The following PRKG1 variants were observed in gnomAD, a reference collection of about 807,000 sequenced individuals.
PRKG1 encodes the protein protein kinase cGMP-dependent 1.
Under a neutral mutation model 88.1 loss-of-function variants are expected in PRKG1, and 35 were observed. The ratio of observed to expected loss-of-function variants is 0.40; its 90% CI spans 0.30 to 0.53. The LOEUF (loss-of-function observed/expected upper bound fraction) is 0.53, where lower values mean the gene tolerates loss of function less well. PRKG1 is among the 20% of genes least tolerant of loss of function. The pLI is 0.59. For synonymous variants in PRKG1, 303 were observed against 292.5 expected (o/e 1.04, Z -0.37); for missense variants, 540 against 839.8 (o/e 0.64, Z 4.41).
At chr10:52,229,835 G>C (rs1840480582) in intron 9 of PRKG1, among the ~76,000 whole-genome samples, 1 of 152,158 alleles carries the variant, frequency 6.6e-6, no homozygotes, top group Admixed American at 6.5e-5. Flanking sequence ...CAGTAGAATT[G>C]TGAAAAGTAT....
intron 2 of PRKG1, among the ~76,000 whole-genome samples, chr10:51,163,771 G>A (rs1048269047): frequency 2.0e-5 from 3 of 152,200 alleles, no homozygotes; most frequent in African/African-American, 4.8e-5. Context: ...AGGGTCCTAC[G>A]CCCACGGAGT....
At chr10:51,242,440 A>G (rs189089524) in intron 2 of PRKG1, among the ~76,000 whole-genome samples, 433 of 152,272 alleles carry the variant, frequency 2.8e-3, no homozygotes, top group African/African-American at 9.9e-3. Context: ...CTGAAGCCCA[A>G]AGATATGAGG....
intron 5 of PRKG1, among the ~76,000 whole-genome samples, chr10:51,942,588 C>G (rs1014544611): frequency 2.7e-5 from 4 of 147,942 alleles, no homozygotes; most frequent in East Asian, 2.0e-4. Context: ...GGTTTTAGGT[C>G]TAACGTTTAA....
rs1378154837 is a variant in PRKG1, at chr10:51,549,967, T to TA, written c.592+82132dup. Among the ~76,000 whole-genome samples the TA allele has an allele frequency of 1.3e-4, 20 of 152,212 alleles. No individual in the cohort carries two copies. In the East Asian group the frequency reaches 3.5e-3, roughly 27 times the overall value. ...CTTTTGCCTAGACTCATCCTTCACT[T>TA]ATTATCAGTCACAGAATTCCGTGGC... On this transcript the variant is annotated intron_variant, in intron 3 of 17. Transcript: ENST00000373980.
At chr10:51,090,876 C>G (rs1035158521) in intron 1 of PRKG1, among the ~76,000 whole-genome samples, 1 of 152,166 alleles carries the variant, frequency 6.6e-6, no homozygotes, top group African/African-American at 2.4e-5. Context: ...AGAAGTCATT[C>G]ACTAGTAATG....
At chr10:51,759,246 G>A (rs947278571) in intron 3 of PRKG1, among the ~76,000 whole-genome samples, 1 of 151,814 alleles carries the variant, frequency 6.6e-6, no homozygotes, top group Non-Finnish European at 1.5e-5. Flanking sequence ...TGTATTTTTG[G>A]TTCTAGGTCT....
intron 8 of PRKG1, among the ~76,000 whole-genome samples, chr10:52,141,953 C>T (rs1903992): frequency 7.2e-5 from 11 of 151,916 alleles, no homozygotes; most frequent in Admixed American, 1.3e-4. Flanking sequence ...TTTTCTAACC[C>T]CTTTTATAAA....
chr10:51,734,187 A>G (rs1007720847), intron 3 of PRKG1, among the ~76,000 whole-genome samples: 21 of 152,152 alleles, frequency 1.4e-4, no homozygotes, highest in African/African-American at 3.9e-4. Flanking sequence ...CATTCATTCA[A>G]TTTCATGTCC....
At chr10:51,467,375 C>A (rs1051312825) in intron 2 of PRKG1, among the ~76,000 whole-genome samples, 3 of 151,838 alleles carry the variant, frequency 2.0e-5, no homozygotes, top group African/African-American at 7.3e-5. Flanking sequence ...GAAAATGTAC[C>A]ACTTACTCAA....
chr10:50,997,336 T>A (rs551998349), intron 1 of PRKG1, among the ~76,000 whole-genome samples: 19 of 152,322 alleles, frequency 1.2e-4, no homozygotes, highest in African/African-American at 4.3e-4. Flanking sequence ...GGAGTTCTTG[T>A]TCCATTTGAA....
intron 5 of PRKG1, among the ~76,000 whole-genome samples, chr10:52,029,631 C>T (rs531287080): frequency 6.6e-6 from 1 of 152,302 alleles, no homozygotes; most frequent in African/African-American, 2.4e-5. Context: ...TTGACCACGG[C>T]TGAACACTGG....
intron 1 of PRKG1, among the ~76,000 whole-genome samples, chr10:51,111,299 T>C (rs995915115): frequency 6.6e-6 from 1 of 152,138 alleles, no homozygotes; most frequent in Non-Finnish European, 1.5e-5. Flanking sequence ...GGGCACATAG[T>C]AGATTTATAT....
At chr10:51,014,154 C>T (rs1162914965) in intron 1 of PRKG1, among the ~76,000 whole-genome samples, 1 of 152,140 alleles carries the variant, frequency 6.6e-6, no homozygotes, top group Admixed American at 6.6e-5. Context: ...ATTGCTGTAT[C>T]TGTATGTATG....
chr10:51,004,402 T>A (rs7070266), intron 1 of PRKG1, among the ~76,000 whole-genome samples: 48,110 of 152,062 alleles, frequency 0.32, 7,766 homozygotes, highest in East Asian at 0.48. Context: ...GAGGTTACAG[T>A]GAGCCAAGAT....
intron 3 of PRKG1, among the ~76,000 whole-genome samples, chr10:51,508,579 G>A (rs1841298411): frequency 6.6e-6 from 1 of 151,286 alleles, no homozygotes; most frequent in African/African-American, 2.4e-5. Flanking sequence ...TAAATCTTTT[G>A]CTACAGCCAA....
intron 2 of PRKG1, among the ~76,000 whole-genome samples, chr10:51,291,933 TGGAGTACTTC>T (rs1167329531): frequency 6.6e-6 from 1 of 152,218 alleles, no homozygotes; most frequent in East Asian, 1.9e-4. Flanking sequence ...TTAACAGTCT[TGGAGTACTTC>T]TGAGTCTAAA....
chr10:52,181,800 A>C (rs113811866), intron 9 of PRKG1, among the ~76,000 whole-genome samples: 13,659 of 40,632 alleles, frequency 0.34, 2,424 homozygotes, highest in Middle Eastern at 0.42. Context: ...TCCATGGTGT[A>C]TATGTGCCAC....
upstream of PRKG1, among the ~76,000 whole-genome samples, chr10:51,072,984 G>A (rs960004182): frequency 2.0e-5 from 3 of 152,132 alleles, no homozygotes; most frequent in African/African-American, 4.8e-5. Context: ...TTAGTGTTAA[G>A]GAATAACCAA....
intron 3 of PRKG1, among the ~76,000 whole-genome samples, chr10:51,714,738 T>G (rs1785435980): frequency 6.6e-6 from 1 of 152,186 alleles, no homozygotes; most frequent in Non-Finnish European, 1.5e-5. Context: ...GGAGCAGTAG[T>G]TTTGAAAGGT....
Sources: allele counts gnomAD v4.1 joint callset (sites outside exome capture counted in the v4.1 genomes callset), GRCh38; gene constraint gnomAD v4.1.1; transcripts MANE v1.5; gene names NCBI Gene and HGNC (gene_info 2026-07-23, HGNC 2026-07-21).